LPCAT2: variants seen among roughly 807,000 people sequenced by gnomAD.
The protein encoded by LPCAT2 is lysophosphatidylcholine acyltransferase 2, also known as 1-AGP acyltransferase 11.
A neutral mutation model predicts 64.7 loss-of-function variants in LPCAT2; 58 were observed. The ratio of observed to expected loss-of-function variants is 0.90; its 90% CI spans 0.73 to 1.12. The LOEUF (loss-of-function observed/expected upper bound fraction) is 1.12, where lower values mean the gene tolerates loss of function less well. Ranked by LOEUF, LPCAT2 falls within the 50% of genes most tolerant of loss-of-function variation. The probability of loss-of-function intolerance (pLI) is 0.00; values close to 1 mark genes in which losing one functional copy is unlikely to be tolerated. For synonymous variants in LPCAT2, 252 were observed against 245.3 expected, an observed-to-expected ratio of 1.03 and a Z score of -0.26; for missense variants, 579 against 669.8, an observed-to-expected ratio of 0.86 and a Z score of 1.50.
At chr16:55,545,136 G>A (rs1261272901) in intron 8 of LPCAT2, among the ~76,000 whole-genome samples, 1 of 152,046 alleles carries the variant, frequency 6.6e-6, no homozygotes, top group Non-Finnish European at 1.5e-5. Flanking sequence ...AGGCATCACA[G>A]AACATCAAGT....
At chr16:55,521,912 T>C (rs1357660649) in intron 1 of LPCAT2, among the ~76,000 whole-genome samples, 1 of 150,726 alleles carries the variant, frequency 6.6e-6, no homozygotes, top group Non-Finnish European at 1.5e-5. Flanking sequence ...AAATATTGAA[T>C]CTGTTTCCTC....
intron 11 of LPCAT2, among the ~76,000 whole-genome samples, chr16:55,564,525 T>A (rs561005690): frequency 6.6e-6 from 1 of 151,888 alleles, no homozygotes; most frequent in East Asian, 1.9e-4. Context: ...AGAATAGAGA[T>A]CCCAGAAGAA....
intron 4 of LPCAT2, among the ~76,000 whole-genome samples, chr16:55,531,221 G>A (rs1420693024): frequency 1.3e-5 from 2 of 152,072 alleles, no homozygotes; most frequent in Non-Finnish European, 2.9e-5. Context: ...TGCTGTGAGT[G>A]CAGGATGTTA....
intron 8 of LPCAT2, chr16:55,539,149 T>A (rs1963363871): frequency 6.6e-6 from 1 of 151,878 alleles, no homozygotes; most frequent in South Asian, 2.1e-4. Flanking sequence ...CCATAGCATG[T>A]CAGTGGTCAA....
At chr16:55,532,006 AG>A (rs1179682702) in intron 5 of LPCAT2, 32 bp downstream of exon 5, 1 of 1,285,468 alleles carries the variant, frequency 7.8e-7, no homozygotes, top group African/African-American at 1.5e-5. Context: ...ATTCTAACAA[AG>A]TAATATGTGA....
chr16:55,565,886 T>C (rs1272096211), intron 11 of LPCAT2, among the ~76,000 whole-genome samples: 2 of 152,166 alleles, frequency 1.3e-5, no homozygotes, highest in Non-Finnish European at 2.9e-5. Flanking sequence ...TTTTAAAACA[T>C]TTAACATTTT....
chr16:55,531,836 G>T, intron 4 of LPCAT2, 78 bp from the exon 5 acceptor site: 2 of 909,250 alleles, frequency 2.2e-6, no homozygotes, highest in East Asian at 2.4e-5. Context: ...GCAGCTGTTT[G>T]TGAAGTCATA....
rs1204069715 is a variant in LPCAT2 at position 55,532,078 on chromosome 16, T to A, written c.703+104T>A. Reference sequence around the variant, plus strand: ...AACTCTTTAGCTTGCTCTGAGCATTTTTTTCTTTTCTGATAGCAACTTTTT... The same window carrying A: ...AACTCTTTAGCTTGCTCTGAGCATTATTTTCTTTTCTGATAGCAACTTTTT... On this transcript the variant is annotated intron_variant, in intron 5 of 13. Coordinates refer to ENST00000262134, the MANE Select transcript of LPCAT2 (RefSeq NM_017839.5). 6 of 772,658 alleles carry A rather than the reference T, an allele frequency of 7.8e-6. No individual in the cohort carries two copies. The African/African-American group carries it at 1.1e-4, about 14-fold the overall frequency. The allele number at this position is 772,658 out of a possible 1,614,324, so 47.9% of individuals were successfully genotyped here.
chr16:55,576,137 G>T (rs1393863842), intron 12 of LPCAT2, among the ~76,000 whole-genome samples: 1 of 150,958 alleles, frequency 6.6e-6, no homozygotes. Context: ...CTAGACCTTG[G>T]TTTGGGGAAG....
At chr16:55,541,550 C>G (rs1470532173) in intron 8 of LPCAT2, 1 of 191,148 alleles carries the variant, frequency 5.2e-6, no homozygotes, top group African/African-American at 2.4e-5. Flanking sequence ...TACATATATA[C>G]TTGTTCTAAC....
chr16:55,560,845 A>G (rs1190965222), intron 11 of LPCAT2, among the ~76,000 whole-genome samples: 5 of 151,974 alleles, frequency 3.3e-5, no homozygotes, highest in Admixed American at 2.6e-4. Flanking sequence ...ATCCTAATTC[A>G]CCCAAGTATA....
chr16:55,544,197 T>C (rs1224581500), intron 8 of LPCAT2, among the ~76,000 whole-genome samples: 4 of 151,676 alleles, frequency 2.6e-5, no homozygotes, highest in African/African-American at 9.7e-5. Context: ...CTTACAGTTT[T>C]CTTAATATGA....
intron 9 of LPCAT2, among the ~76,000 whole-genome samples, chr16:55,547,885 A>G (rs1242303325): frequency 2.0e-5 from 3 of 152,000 alleles, no homozygotes; most frequent in South Asian, 4.1e-4. Flanking sequence ...CTCCTGCCTC[A>G]GCCTCCTGAG....
rs1963230470 is a variant in LPCAT2 at position 55,529,953 on chromosome 16, A to G, written c.642+6A>G. 6.3e-7 allele frequency: 1 copy of G among 1,590,270 alleles called. No individual in the cohort carries two copies. Among genetic ancestry groups the G allele is most frequent in the African/African-American group, 1.3e-5 (1 of 74,432 alleles). On this transcript the variant is annotated splice_donor_region_variant and intron_variant, in intron 4 of 13. Transcript: ENST00000262134. ...CAGGAGGAGAATGGCCCCAGGTAAAACATGGTAGATGTTAATTTAAATATA... is the reference window on the plus strand; with the variant it reads ...CAGGAGGAGAATGGCCCCAGGTAAAGCATGGTAGATGTTAATTTAAATATA...
intron 11 of LPCAT2, among the ~76,000 whole-genome samples, chr16:55,557,285 GTCT>G (rs750487506): frequency 9.5e-5 from 14 of 148,008 alleles, no homozygotes; most frequent in East Asian, 2.0e-4. Flanking sequence ...CTCTCTCTCT[GTCT>G]TCTTCTCTCT....
chr16:55,540,527 A>C (rs79640860), intron 8 of LPCAT2: 6 of 152,238 alleles, frequency 3.9e-5, no homozygotes, highest in African/African-American at 1.2e-4. Context: ...AATACATGCT[A>C]TGTCACACTA....
intron 1 of LPCAT2, among the ~76,000 whole-genome samples, chr16:55,517,106 A>C (rs570551478): frequency 6.6e-6 from 1 of 152,276 alleles, no homozygotes; most frequent in East Asian, 1.9e-4. Context: ...AAAACTGACA[A>C]ATATTTGTCT....
intron 11 of LPCAT2, among the ~76,000 whole-genome samples, chr16:55,572,574 C>T (rs1275532511): frequency 1.3e-5 from 2 of 152,070 alleles, no homozygotes; most frequent in African/African-American, 2.4e-5. Context: ...GAAATGATTT[C>T]CTTTAATACT....
chr16:55,557,220 CTTTTTCCT>C (rs1350696024), intron 11 of LPCAT2, among the ~76,000 whole-genome samples: 31 of 151,736 alleles, frequency 2.0e-4, no homozygotes, highest in Admixed American at 2.0e-3. Context: ...TCTTTCCTTC[CTTTTTCCT>C]TTTTTCCTTT....
Sources: gnomAD v4.1 joint callset for allele counts (sites outside exome capture counted in the v4.1 genomes callset) on GRCh38, gnomAD v4.1.1 for gene constraint, MANE v1.5 for transcripts, NCBI Gene and HGNC (gene_info 2026-07-23, HGNC 2026-07-21) for gene names.